Variants in SLC5A11 observed in about 807,000 individuals in gnomAD.
SLC5A11 encodes solute carrier family 5 member 11, also known as sodium/myo-inositol cotransporter 2.
SLC5A11 carries 48 observed loss-of-function variants against 69.8 expected under a neutral mutation model. That is an observed-to-expected ratio of 0.69 (90% confidence interval 0.55 to 0.87). The LOEUF (loss-of-function observed/expected upper bound fraction) is 0.87. Among genes scored for constraint, SLC5A11 ranks in the 40% least tolerant of loss-of-function variants. SLC5A11 has a pLI of 0.00. For missense variants in SLC5A11, 784 were observed against 866.1 expected, an observed-to-expected ratio of 0.91 and a Z score of 1.19; for synonymous variants, 319 against 342.4, an observed-to-expected ratio of 0.93 and a Z score of 0.75.
At chr16:24,890,899 T>G in exon 9 of SLC5A11, 7 of 1,614,158 alleles carry the variant, frequency 4.3e-6, no homozygotes, top group Non-Finnish European at 5.9e-6. Context: ...ATGGAAGGAC[T>G]GAAGGAGAAG....
intron 1 of SLC5A11, among the ~76,000 whole-genome samples, chr16:24,854,176 AGCCGCCGCCCC>A (rs1411076365): frequency 6.6e-6 from 1 of 152,188 alleles, no homozygotes; most frequent in African/African-American, 2.4e-5. Context: ...CTCACCAGGC[AGCCGCCGCCCC>A]TCCTCCCTCC....
intron 13 of SLC5A11, among the ~76,000 whole-genome samples, 196 bp downstream of exon 14, chr16:24,908,327 GATGGCTCA>G (rs1173944337): frequency 6.6e-6 from 1 of 152,078 alleles, no homozygotes; most frequent in African/African-American, 2.4e-5. Context: ...GGGCTGCTGC[GATGGCTCA>G]CACCTGTAAT....
At chr16:24,873,765 T>C (rs1448803786) in intron 5 of SLC5A11, among the ~76,000 whole-genome samples, 1 of 151,932 alleles carries the variant, frequency 6.6e-6, no homozygotes, top group Non-Finnish European at 1.5e-5. Context: ...ACCTGAACAA[T>C]GCAGTTGAAT....
At chr16:24,858,160 A>G (rs117209247) in intron 1 of SLC5A11, among the ~76,000 whole-genome samples, 4,075 of 152,304 alleles carry the variant, frequency 0.027, 98 homozygotes, top group Non-Finnish European at 0.044. Flanking sequence ...TGTTTATTAA[A>G]TATATTAAAT....
intron 15 of SLC5A11, among the ~76,000 whole-genome samples, 160 bp from the exon 17 acceptor site, chr16:24,911,166 CAA>C (rs59292009): frequency 2.0e-4 from 13 of 66,020 alleles, no homozygotes; most frequent in Non-Finnish European, 1.9e-4. Context: ...GAGACTCTCT[CAA>C]AAAAAAAAAA....
At chr16:24,903,255 G>T (rs1414594462) in intron 10 of SLC5A11, among the ~76,000 whole-genome samples, 1 of 151,498 alleles carries the variant, frequency 6.6e-6, no homozygotes, top group Non-Finnish European at 1.5e-5. Flanking sequence ...CTTATAAGGT[G>T]CAGTGTGATA....
rs56335988 is a variant in SLC5A11, at chr16:24,905,640, GCACACACACACA to G, written c.1007-984_1007-973del. Among the ~76,000 whole-genome samples, 167 of 136,780 alleles carry G rather than the reference GCACACACACACA, an allele frequency of 1.2e-3. 1 individual carries two copies. The highest frequency in any genetic ancestry group is 2.7e-3 in the African/African-American group (95 of 35,502). 89.7% of individuals were successfully genotyped at this position (136,780 alleles called of 152,430 possible). ...CCATCTCAAAAACACGCGCGCGCGC[GCACACACACACA>G]CACACACACACACACACACACACAC... On this transcript the variant is annotated intron_variant, in intron 10 of 15. Transcript: ENST00000347898.
intron 8 of SLC5A11, among the ~76,000 whole-genome samples, chr16:24,885,939 T>TA (rs1372193982): frequency 6.6e-6 from 1 of 150,740 alleles, no homozygotes; most frequent in Non-Finnish European, 1.5e-5. Flanking sequence ...TAAAATTTTC[T>TA]AAAAAAATTA....
At chr16:24,861,346 G>A (rs1597015590) in intron 2 of SLC5A11, among the ~76,000 whole-genome samples, 2 of 151,976 alleles carry the variant, frequency 1.3e-5, no homozygotes, top group Non-Finnish European at 2.9e-5. Context: ...TGAGCATGGT[G>A]GCATATGCCT....
rs59292009 is a variant in SLC5A11 at position 24,911,166 on chromosome 16, CAAAA to C, written c.1823-145_1823-142del. ...CCTGGACGACAGAGTGAGACTCTCT[CAAAA>C]AAAAAAAAAAAAAAAAGGGAGATTT... On this transcript the variant is annotated intron_variant, in intron 15 of 15. Coordinates refer to ENST00000347898, the Ensembl canonical transcript of SLC5A11. Among the ~76,000 whole-genome samples, 85 of 66,050 alleles carry C rather than the reference CAAAA, an allele frequency of 1.3e-3. No individual in the cohort carries two copies. The Middle Eastern group carries it at 0.029, about 23-fold the overall frequency. The allele number at this position is 66,050 out of a possible 152,430, so 43.3% of individuals were successfully genotyped here. A position where few individuals can be genotyped will look rare whatever the true frequency, so the allele number is the denominator to read the frequency against.
intron 9 of SLC5A11, 93 bp downstream of exon 10, chr16:24,891,167 C>A: frequency 7.9e-7 from 1 of 1,258,598 alleles, no homozygotes; most frequent in South Asian, 1.3e-5. Context: ...TCCATCTCTT[C>A]TCTCATTTGC....
At chr16:24,869,913 T>G in exon 4 of SLC5A11, 2 of 1,614,064 alleles carry the variant, frequency 1.2e-6, no homozygotes, top group Non-Finnish European at 1.7e-6. Context: ...GGGTGCATCC[T>G]TGTTTGCCAG....
At chr16:24,886,184 G>A (rs1403030746) in intron 8 of SLC5A11, among the ~76,000 whole-genome samples, 4 of 151,928 alleles carry the variant, frequency 2.6e-5, no homozygotes, top group Non-Finnish European at 4.4e-5. Context: ...ACGGACACAC[G>A]CCACCATGCC....
Position 24,891,019 on chromosome 16 carries a change from C to CG in SLC5A11, c.820dup (p.Val274GlyfsTer121), listed in dbSNP as rs1405747063. On this transcript the variant is annotated frameshift_variant, in exon 9 of 16. Coordinates refer to ENST00000347898, the Ensembl canonical transcript of SLC5A11. LOFTEE classifies it high-confidence loss of function. Reference sequence around the variant, plus strand: ...CCGCTGACATCTGATCTCCCGTGGCCGGGGGTCCTATTTGGAATGTCCATC... The same window carrying CG: ...CCGCTGACATCTGATCTCCCGTGGCCGGGGGGTCCTATTTGGAATGTCCATC... 28 of 1,614,016 alleles carry CG rather than the reference C, an allele frequency of 1.7e-5. No individual in the cohort carries two copies. Among genetic ancestry groups the CG allele is most frequent in the Non-Finnish European group, 1.9e-5 (23 of 1,180,024 alleles).
At chr16:24,910,546 T>TTC in intron 15 of SLC5A11, 69 bp downstream of exon 16, 12 of 1,452,876 alleles carry the variant, frequency 8.3e-6, no homozygotes, top group African/African-American at 1.4e-5. Flanking sequence ...TTTTTTTTTT[T>TTC]CCTATCAAAT....
At chr16:24,910,011 A>G in intron 14 of SLC5A11, among the ~76,000 whole-genome samples, 1 of 152,068 alleles carries the variant, frequency 6.6e-6, no homozygotes, top group Non-Finnish European at 1.5e-5. Context: ...GGGGTCCTGC[A>G]ATACTCTAGG....
Position 24,867,024 on chromosome 16 carries a change from C to A in SLC5A11, c.208-2877C>A, listed in dbSNP as rs887401284. Among the ~76,000 whole-genome samples the A allele has an allele frequency of 3.9e-5, 6 of 152,122 alleles. 1 individual carries two copies. Among genetic ancestry groups the A allele is most frequent in the Admixed American group, 1.3e-4 (2 of 15,278 alleles). ...AGAAGACATGAACAACACTATAAAC[C>A]AACTGACCTAACAGACATATATAAA... On this transcript the variant is annotated intron_variant, in intron 3 of 15. Transcript: ENST00000347898.
intron 9 of SLC5A11, among the ~76,000 whole-genome samples, chr16:24,893,213 G>A (rs1000648927): frequency 4.0e-5 from 6 of 151,208 alleles, no homozygotes; most frequent in East Asian, 1.9e-4. Flanking sequence ...ACTTGAACCC[G>A]GGAGGTGGAG....
chr16:24,898,105 C>T, exon 10 of SLC5A11: 1 of 1,613,882 alleles, frequency 6.2e-7, no homozygotes, highest in Non-Finnish European at 8.5e-7. Flanking sequence ...GCATCCTCTT[C>T]CCAGGTGAGA....
Sources: allele counts gnomAD v4.1 joint callset (sites outside exome capture counted in the v4.1 genomes callset), GRCh38; gene constraint gnomAD v4.1.1; transcripts MANE v1.5; gene names NCBI Gene and HGNC (gene_info 2026-07-23, HGNC 2026-07-21).